The following CHIC1 variants were observed in gnomAD, a reference collection of about 807,000 sequenced individuals.
CHIC1 encodes cysteine rich hydrophobic domain 1, also known as cysteine-rich hydrophobic domain-containing protein 1.
In CHIC1, 7 loss-of-function variants were observed where a neutral mutation model predicts 18.5. That is an observed-to-expected ratio of 0.38 (90% CI 0.22 to 0.71). CHIC1 has a LOEUF of 0.71. Among genes scored for constraint, CHIC1 ranks in the 30% least tolerant of loss-of-function variants. The probability of loss-of-function intolerance (pLI) is 0.49; values close to 1 mark genes in which losing one functional copy is unlikely to be tolerated. For synonymous variants in CHIC1, 77 were observed against 73.5 expected, an observed-to-expected ratio of 1.05 and a Z score of -0.25; for missense variants, 159 against 176.9, an observed-to-expected ratio of 0.90 and a Z score of 0.57.
At chrX:73,659,370 C>CTTTTTTTTTTTTTTTTTTTTTTTT (rs149705423) in intron 3 of CHIC1, among the ~76,000 whole-genome samples, 2 of 35,183 alleles carry the variant, frequency 5.7e-5, no homozygotes, top group African/African-American at 1.1e-4. Context: ...TTCCCCTTTT[C>CTTTTTTTTTTTTTTTTTTTTTTTT]TTTTTTTTTT....
At chrX:73,643,661 G>A (rs1011776456) in intron 3 of CHIC1, among the ~76,000 whole-genome samples, 15 of 111,611 alleles carry the variant, frequency 1.3e-4, no homozygotes, top group African/African-American at 3.9e-4. Context: ...TGATCGCATC[G>A]GCTCCTGAGG....
At chrX:73,663,162 G>A (rs2057988642) in intron 3 of CHIC1, among the ~76,000 whole-genome samples, 1 of 111,783 alleles carries the variant, frequency 8.9e-6, no homozygotes, top group Non-Finnish European at 1.9e-5. Context: ...TTGCAAATTA[G>A]CATTGATAGC....
chrX:73,679,201 C>A (rs2058085814), intron 3 of CHIC1, 125 bp from the exon 4 acceptor site: 1 of 458,620 alleles, frequency 2.2e-6, no homozygotes, highest in Non-Finnish European at 3.8e-6. Flanking sequence ...GCTTATTTCT[C>A]ATTTCTAATA....
chrX:73,598,051 T>C (rs758344475), intron 3 of CHIC1, among the ~76,000 whole-genome samples: 1 of 111,653 alleles, frequency 9.0e-6, no homozygotes, highest in Non-Finnish European at 1.9e-5. Context: ...TCCAAGTCTT[T>C]GCTATTGTGA....
chrX:73,667,758 T>G (rs2058011158), intron 3 of CHIC1, among the ~76,000 whole-genome samples: 1 of 111,299 alleles, frequency 9.0e-6, no homozygotes, highest in South Asian at 3.8e-4. Context: ...AGTCTTCCCC[T>G]TGTATGTGAC....
At chrX:73,589,313 C>T (rs894186596) in intron 3 of CHIC1, among the ~76,000 whole-genome samples, 8 of 110,537 alleles carry the variant, frequency 7.2e-5, no homozygotes, top group South Asian at 7.5e-4. Flanking sequence ...TTTTCCATGT[C>T]GTATGTTTTT....
chrX:73,596,182 C>T (rs1350820711), intron 3 of CHIC1, among the ~76,000 whole-genome samples: 1 of 111,662 alleles, frequency 9.0e-6, no homozygotes, highest in Admixed American at 9.6e-5. Flanking sequence ...AGCAAAGTCT[C>T]AGGATACAAA....
chrX:73,658,503 ATTGTGTTTACTTGATAATC>A (rs1196091680), intron 3 of CHIC1, among the ~76,000 whole-genome samples: 1 of 105,649 alleles, frequency 9.5e-6, no homozygotes, highest in Non-Finnish European at 1.9e-5. Context: ...ATCATTTCTG[ATTGTGTTTACTTGATAATC>A]TTCTCTCTTT....
chrX:73,592,651 T>C (rs756281542), intron 3 of CHIC1, among the ~76,000 whole-genome samples: 1 of 110,774 alleles, frequency 9.0e-6, no homozygotes, highest in South Asian at 3.8e-4. Context: ...TCAGGGATAT[T>C]GGCCTGAAGT....
intron 5 of CHIC1, 40 bp downstream of exon 5, chrX:73,679,753 C>T (rs1179820741): frequency 1.4e-6 from 1 of 711,713 alleles, no homozygotes; most frequent in Non-Finnish European, 2.0e-6. Flanking sequence ...TTTATTCATT[C>T]TAAATGTACC....
intron 3 of CHIC1, among the ~76,000 whole-genome samples, chrX:73,676,100 T>C (rs1159311411): frequency 9.0e-5 from 10 of 111,325 alleles, no homozygotes; most frequent in Non-Finnish European, 1.1e-4. Context: ...CCGAGAGATC[T>C]GCTGTTAGTC....
intron 3 of CHIC1, among the ~76,000 whole-genome samples, chrX:73,665,678 G>A (rs955616122): frequency 3.6e-5 from 4 of 111,033 alleles, no homozygotes; most frequent in African/African-American, 6.6e-5. Context: ...GTTCCATTGC[G>A]ACCCATTGCA....
intron 3 of CHIC1, among the ~76,000 whole-genome samples, chrX:73,678,635 T>C (rs954527840): frequency 1.8e-5 from 2 of 112,391 alleles, no homozygotes; most frequent in Non-Finnish European, 3.8e-5. Context: ...TATTTTAATG[T>C]TTTGAAAAGC....
intron 3 of CHIC1, among the ~76,000 whole-genome samples, chrX:73,595,844 C>T (rs1442154838): frequency 9.0e-6 from 1 of 111,368 alleles, no homozygotes; most frequent in African/African-American, 3.3e-5. Flanking sequence ...CTTTTGTTTC[C>T]TGACTTTTTA....
chrX:73,563,496 C>T lies in CHIC1; in HGVS notation c.212C>T (p.Pro71Leu). ...EEEEEEEEAP[P>L]PPRVVSEEHL... ...GAGGAAGAGGAGGAGGAAGCGCCGCCCCCGCCTCGGGTAGTGAGCGAGGAG... is the reference window on the plus strand; with the variant it reads ...GAGGAAGAGGAGGAGGAAGCGCCGCTCCCGCCTCGGGTAGTGAGCGAGGAG... The change falls in exon 1 of 6, where the codon CCC (proline) becomes CTC (leucine). Residue 71 changes from proline to leucine, a missense_variant. Transcript: ENST00000373502. The T allele has an allele frequency of 1.7e-6, 2 of 1,167,710 alleles. No individual in the cohort carries two copies. The highest frequency in any genetic ancestry group is 2.0e-5 in the South Asian group (1 of 49,260).
chrX:73,679,536 G>C, intron 4 of CHIC1, 118 bp from the exon 5 acceptor site: 1 of 563,557 alleles, frequency 1.8e-6, no homozygotes, highest in Non-Finnish European at 2.8e-6. Context: ...GTATTTTTAA[G>C]TGCTCTGTTT....
Position 73,563,597 on chromosome X carries a change from C to T in CHIC1, c.296+17C>T. 1 of 1,048,141 alleles carries T rather than the reference C, an allele frequency of 9.5e-7. No homozygotes were observed. The highest frequency in any genetic ancestry group is 1.2e-6 in the Non-Finnish European group (1 of 812,007). The allele number at this position is 1,048,141 out of a possible 1,213,427, so 86.4% of individuals were successfully genotyped here. On this transcript the variant is annotated intron_variant, in intron 1 of 5. Transcript: ENST00000373502. ...CATCACTGTGTAAGCGAGAGGGGGTCTTGGGACTTGAAATGCCTGAGATTT... is the reference window on the plus strand; with the variant it reads ...CATCACTGTGTAAGCGAGAGGGGGTTTTGGGACTTGAAATGCCTGAGATTT...
At chrX:73,678,032 G>A (rs1237215033) in intron 3 of CHIC1, among the ~76,000 whole-genome samples, 11 of 102,869 alleles carry the variant, frequency 1.1e-4, no homozygotes, top group Admixed American at 3.2e-4. Context: ...ATCCACATCT[G>A]CTATAATTGC....
intron 3 of CHIC1, among the ~76,000 whole-genome samples, chrX:73,670,825 A>C (rs748641084): frequency 9.0e-6 from 1 of 111,237 alleles, no homozygotes; most frequent in African/African-American, 3.3e-5. Flanking sequence ...CAGTTTCCAA[A>C]TTTCCTCCTG....
Sources: gnomAD v4.1 joint callset for allele counts (sites outside exome capture counted in the v4.1 genomes callset) on GRCh38, gnomAD v4.1.1 for gene constraint, MANE v1.5 for transcripts, NCBI Gene and HGNC (gene_info 2026-07-23, HGNC 2026-07-21) for gene names.